The following NETO1 variants were observed in gnomAD, a reference collection of about 807,000 sequenced individuals.
NETO1 encodes neuropilin and tolloid-like protein 1.
NETO1 carries 26 observed loss-of-function variants against 61.3 expected under a neutral mutation model. That is an observed-to-expected ratio of 0.42 (90% CI 0.31 to 0.59). The LOEUF (loss-of-function observed/expected upper bound fraction) is 0.59. Among genes scored for constraint, NETO1 ranks in the 20% least tolerant of loss-of-function variants. The pLI is 0.12. For missense variants in NETO1, 531 were observed against 662.8 expected (o/e 0.80, Z 2.18); for synonymous variants, 225 against 225.8 (o/e 1.00, Z 0.03).
In NETO1 at chr18:72,808,456, G is replaced by T. The variant is rs538862449; in HGVS notation, c.470-14052C>A. On this transcript the variant is annotated intron_variant, in intron 4 of 10. Coordinates refer to ENST00000327305, the MANE Select transcript of NETO1 (RefSeq NM_138966.5). ...GTGTGTGTGTGTGTGTGTGTGTGTGGAGTGTGTGTGTGGTGAGGAGATGGC... is the reference window on the plus strand; with the variant it reads ...GTGTGTGTGTGTGTGTGTGTGTGTGTAGTGTGTGTGTGGTGAGGAGATGGC... 8.6e-3 allele frequency among the ~76,000 whole-genome samples: 484 copies of T among 55,960 alleles called. 4 individuals are homozygous for T. The highest frequency in any genetic ancestry group is 0.018 in the African/African-American group (452 of 24,476). 36.7% of individuals were successfully genotyped at this position (55,960 alleles called of 152,430 possible).
intron 7 of NETO1, among the ~76,000 whole-genome samples, chr18:72,773,365 A>C (rs532453799): frequency 6.6e-6 from 1 of 152,274 alleles, no homozygotes; most frequent in South Asian, 2.1e-4. Context: ...CTGCAAAATA[A>C]GTTTTCACAG....
At chr18:72,772,759 C>CTATATATCTATA (rs1555684133) in intron 7 of NETO1, among the ~76,000 whole-genome samples, 1 of 102,320 alleles carries the variant, frequency 9.8e-6, no homozygotes, top group Non-Finnish European at 1.9e-5. Flanking sequence ...CTATATATAT[C>CTATATATCTATA]TATATATATA....
intron 3 of NETO1, among the ~76,000 whole-genome samples, chr18:72,861,228 T>C (rs552422274): frequency 1.3e-4 from 20 of 152,334 alleles, no homozygotes; most frequent in African/African-American, 3.1e-4. Flanking sequence ...GTAGGCAACA[T>C]TGTATGTGGA....
At chr18:72,853,588 T>G (rs901986371) in intron 4 of NETO1, among the ~76,000 whole-genome samples, 1 of 151,914 alleles carries the variant, frequency 6.6e-6, no homozygotes, top group African/African-American at 2.4e-5. Context: ...TGAAATCCCA[T>G]CTCTACCAAA....
chr18:72,783,957 T>A (rs886202260), intron 6 of NETO1, 51 bp from the exon 7 acceptor site: 2 of 1,279,646 alleles, frequency 1.6e-6, no homozygotes, highest in Non-Finnish European at 2.3e-6. Context: ...TGAATGTACA[T>A]CAGTATCAGA....
intron 7 of NETO1, among the ~76,000 whole-genome samples, chr18:72,770,648 T>C (rs1315151158): frequency 4.6e-5 from 7 of 152,164 alleles, no homozygotes; most frequent in African/African-American, 1.4e-4. Context: ...GGCATTAAGA[T>C]TTATAGTAAG....
At chr18:72,808,375 G>A (rs1415139611) in intron 4 of NETO1, among the ~76,000 whole-genome samples, 1 of 151,534 alleles carries the variant, frequency 6.6e-6, no homozygotes, top group African/African-American at 2.4e-5. Context: ...GGAAAATGCT[G>A]TCTCTGCTAC....
downstream of NETO1, chr18:72,742,770 T>C (rs2145049428): frequency 6.6e-6 from 1 of 152,288 alleles, no homozygotes; most frequent in East Asian, 1.9e-4. Context: ...AGTTTCCTCA[T>C]CTGTACAATA....
intron 4 of NETO1, among the ~76,000 whole-genome samples, chr18:72,843,358 C>T (rs983568353): frequency 2.6e-5 from 4 of 152,174 alleles, no homozygotes; most frequent in African/African-American, 9.7e-5. Context: ...AAAAAAGTTA[C>T]TCTTTTCTCT....
At position 72,828,046 on chromosome 18, in the gene NETO1, C is replaced by T. The variant is rs148296223; in HGVS notation, c.469+30780G>A. ...TTAAAAATGCAGCCAGGCGTGGTGG[C>T]TCACGCCTGTAATCCCAACACTTTG... is the stretch of plus-strand genomic sequence containing the variant. On this transcript the variant is annotated intron_variant, in intron 4 of 10. Coordinates refer to ENST00000327305, the MANE Select transcript of NETO1 (RefSeq NM_138966.5). Among the ~76,000 whole-genome samples the T allele has an allele frequency of 5.3e-3, 800 of 152,334 alleles. 7 individuals carry two copies. The highest frequency in any genetic ancestry group is 0.018 in the African/African-American group (763 of 41,578).
chr18:72,861,781 C>T (rs575855589), intron 3 of NETO1, among the ~76,000 whole-genome samples: 37 of 152,274 alleles, frequency 2.4e-4, no homozygotes, highest in African/African-American at 8.7e-4. Flanking sequence ...CCTTTCTCTA[C>T]AGAATATTCA....
intron 4 of NETO1, among the ~76,000 whole-genome samples, chr18:72,803,946 G>A (rs1599032513): frequency 6.6e-6 from 1 of 151,944 alleles, no homozygotes; most frequent in South Asian, 2.1e-4. Context: ...CATAAGCAGG[G>A]GTGATAATCC....
chr18:72,743,573 G>C (rs1227928464), downstream of NETO1, among the ~76,000 whole-genome samples: 1 of 152,118 alleles, frequency 6.6e-6, no homozygotes, highest in African/African-American at 2.4e-5. Flanking sequence ...TCCTTATACA[G>C]CTCCTGTAAG....
intron 7 of NETO1, among the ~76,000 whole-genome samples, chr18:72,765,125 A>C (rs2071110132): frequency 6.6e-6 from 1 of 152,272 alleles, no homozygotes; most frequent in East Asian, 1.9e-4. Flanking sequence ...TGTACCCCTT[A>C]GTACACAGCA....
intron 4 of NETO1, among the ~76,000 whole-genome samples, chr18:72,826,338 A>G (rs1170139428): frequency 6.6e-6 from 1 of 152,102 alleles, no homozygotes; most frequent in Non-Finnish European, 1.5e-5. Context: ...ATCTTTTCAT[A>G]TTTAAAAGTT....
In NETO1 at chr18:72,864,949, T is replaced by C. The variant is rs1229310764; in HGVS notation, c.83-4A>G. ...GTTTCTGAGGTGGTTTGCTTTTCTGTTAAAAAAAAAAAAAAGTTTTAAAAA... is the reference window on the plus strand; with the variant it reads ...GTTTCTGAGGTGGTTTGCTTTTCTGCTAAAAAAAAAAAAAAGTTTTAAAAA... On this transcript the variant is annotated splice_polypyrimidine_tract_variant and splice_region_variant and intron_variant, in intron 2 of 10. Coordinates refer to ENST00000327305, the MANE Select transcript of NETO1 (RefSeq NM_138966.5). The C allele has an allele frequency of 2.6e-6, 4 of 1,557,820 alleles. No individual in the cohort carries two copies. The highest frequency in any genetic ancestry group is 1.7e-6 in the Non-Finnish European group (2 of 1,163,070).
At chr18:72,785,235 T>TA (rs1568198066) in intron 6 of NETO1, among the ~76,000 whole-genome samples, 1 of 151,928 alleles carries the variant, frequency 6.6e-6, no homozygotes, top group East Asian at 1.9e-4. Context: ...CTGAAACTGA[T>TA]ACGACAATTT....
chr18:72,862,622 CT>C (rs11453772), intron 3 of NETO1, among the ~76,000 whole-genome samples: 3,411 of 122,286 alleles, frequency 0.028, 55 homozygotes, highest in East Asian at 0.1. Context: ...CTTTTTTTTT[CT>C]TTTTTTTTTT....
intron 7 of NETO1, 24 bp from the exon 8 acceptor site, chr18:72,756,171 A>T (rs1350089495): frequency 3.4e-6 from 4 of 1,183,106 alleles, no homozygotes; most frequent in Non-Finnish European, 2.5e-6. Flanking sequence ...GAACAAGACA[A>T]AGGAGGAAAG....
Sources: gnomAD v4.1 joint callset for allele counts (sites outside exome capture counted in the v4.1 genomes callset) on GRCh38, gnomAD v4.1.1 for gene constraint, MANE v1.5 for transcripts, NCBI Gene and HGNC (gene_info 2026-07-23, HGNC 2026-07-21) for gene names.